Variants in PPP1R8 observed in about 807,000 individuals in gnomAD.
PPP1R8 encodes protein phosphatase 1 regulatory subunit 8.
Under a neutral mutation model 31.3 loss-of-function variants are expected in PPP1R8, and 4 were observed. The ratio of observed to expected loss-of-function variants is 0.13; its 90% CI spans 0.06 to 0.29. The LOEUF (loss-of-function observed/expected upper bound fraction) is 0.29, where lower values mean the gene tolerates loss of function less well. Ranked by LOEUF, PPP1R8 falls within the 10% of genes least tolerant of loss-of-function variation. The pLI is 1.00. For missense variants in PPP1R8, 254 were observed against 440.1 expected, an observed-to-expected ratio of 0.58 and a Z score of 3.78; for synonymous variants, 170 against 169.7, an observed-to-expected ratio of 1.00 and a Z score of -0.01.
intron 2 of PPP1R8, among the ~76,000 whole-genome samples, chr1:27,838,240 C>T (rs575516602): frequency 1.1e-4 from 17 of 149,412 alleles, no homozygotes; most frequent in Middle Eastern, 6.9e-3. Flanking sequence ...ATTAGCTGAA[C>T]GTGGTGGTGC....
chr1:27,845,400 A>G (rs998718661), intron 5 of PPP1R8, among the ~76,000 whole-genome samples: 1 of 151,204 alleles, frequency 6.6e-6, no homozygotes, highest in African/African-American at 2.4e-5. Flanking sequence ...AAAAAAAAAA[A>G]AGAAAGAAAG....
In PPP1R8 at chr1:27,850,634, A is replaced by C. The variant is rs748299736; in HGVS notation, c.*188A>C. ...AAATAGCCCATAAAGACCTGTCTTC[A>C]CAACACTTGCATTGTAGAGAAAGGC... On this transcript the variant is annotated 3_prime_UTR_variant, in exon 7 of 7. Transcript: ENST00000311772. The C allele has an allele frequency of 1.7e-6, 1 of 584,188 alleles. No individual in the cohort carries two copies. The allele number at this position is 584,188 out of a possible 1,614,324, so 36.2% of individuals were successfully genotyped here.
chr1:27,847,521 A>G (rs1190025440), intron 6 of PPP1R8, among the ~76,000 whole-genome samples: 25 of 151,330 alleles, frequency 1.7e-4, no homozygotes, highest in East Asian at 1.5e-3. Flanking sequence ...AAAAAAAAAA[A>G]AGAGATTGAG....
In PPP1R8 at chr1:27,850,474, T is replaced by C. The variant is rs767480315; in HGVS notation, c.*28T>C. On this transcript the variant is annotated 3_prime_UTR_variant, in exon 7 of 7. Transcript: ENST00000311772. Reference sequence around the variant, plus strand: ...TTTTTGGTCATGGAGAAGGGTGGGATTGGGTGGGAATGGGGTGGAAGGGTG... The same window carrying C: ...TTTTTGGTCATGGAGAAGGGTGGGACTGGGTGGGAATGGGGTGGAAGGGTG... 14 of 820,876 alleles carry C rather than the reference T, an allele frequency of 1.7e-5. No homozygotes were observed. In the African/African-American group the frequency reaches 2.3e-4, roughly 13 times the overall value. The allele number at this position is 820,876 out of a possible 1,614,324, so 50.8% of individuals were successfully genotyped here.
intron 2 of PPP1R8, 73 bp downstream of exon 2, chr1:27,832,889 C>A: frequency 7.9e-7 from 1 of 1,267,332 alleles, no homozygotes; most frequent in Non-Finnish European, 1.1e-6. Context: ...TTTTCCACCC[C>A]CTCTCCTGTG....
At chr1:27,838,933 G>A (rs546341243) in intron 3 of PPP1R8, 81 bp downstream of exon 3, 128 of 1,300,890 alleles carry the variant, frequency 9.8e-5, no homozygotes, top group South Asian at 7.3e-5. Flanking sequence ...TGGAAATTAC[G>A]TTTTATGGAA....
At chr1:27,842,668 G>T (rs936144939) in intron 4 of PPP1R8, among the ~76,000 whole-genome samples, 1 of 152,162 alleles carries the variant, frequency 6.6e-6, no homozygotes, top group Admixed American at 6.6e-5. Context: ...ACAGGATGGG[G>T]CATGACAAAA....
At chr1:27,845,663 A>G (rs1002056190) in intron 5 of PPP1R8, among the ~76,000 whole-genome samples, 1 of 151,922 alleles carries the variant, frequency 6.6e-6, no homozygotes, top group African/African-American at 2.4e-5. Flanking sequence ...GGATCCTAAT[A>G]TGTGAAAAAA....
In PPP1R8 at chr1:27,842,659, C is replaced by T. The variant is rs11247693; in HGVS notation, c.493-527C>T. On this transcript the variant is annotated intron_variant, in intron 4 of 6. Transcript: ENST00000311772. ...TTATGAATAGAATTGGGGCCAGACA[C>T]AGGATGGGGCATGACAAAATATTAA... 0.024 allele frequency among the ~76,000 whole-genome samples: 3,660 copies of T among 152,264 alleles called. 195 individuals are homozygous for T. The East Asian group carries it at 0.25, about 10-fold the overall frequency.
chr1:27,848,389 C>T (rs116088988), intron 6 of PPP1R8, among the ~76,000 whole-genome samples: 2,440 of 152,054 alleles, frequency 0.016, 63 homozygotes, highest in African/African-American at 0.055. Context: ...TGGTCGTCAG[C>T]GAGACTCCAT....
intron 3 of PPP1R8, among the ~76,000 whole-genome samples, chr1:27,840,281 C>T (rs1368737221): frequency 6.6e-6 from 1 of 152,182 alleles, no homozygotes; most frequent in African/African-American, 2.4e-5. Context: ...GACTCCACCA[C>T]TCTCCTACTA....
intron 4 of PPP1R8, 123 bp downstream of exon 4, chr1:27,841,357 T>C (rs568242462): frequency 3.0e-6 from 3 of 987,886 alleles, no homozygotes; most frequent in Non-Finnish European, 4.5e-6. Flanking sequence ...AGTCCAGTAA[T>C]GGGCCTTTGG....
At chr1:27,839,458 T>A (rs950314808) in intron 3 of PPP1R8, among the ~76,000 whole-genome samples, 2 of 151,132 alleles carry the variant, frequency 1.3e-5, no homozygotes, top group Non-Finnish European at 3.0e-5. Flanking sequence ...AACCCAGGAG[T>A]GGAAGGATTC....
chr1:27,832,941 T>G (rs1340969056), intron 2 of PPP1R8, 125 bp downstream of exon 2: 1 of 800,546 alleles, frequency 1.2e-6, no homozygotes, highest in Admixed American at 3.0e-5. Flanking sequence ...TCCTGATTTT[T>G]TTTTTCTGTT....
intron 4 of PPP1R8, 123 bp from the exon 5 acceptor site, chr1:27,843,063 C>T: frequency 8.8e-7 from 1 of 1,133,656 alleles, no homozygotes; most frequent in Non-Finnish European, 1.3e-6. Flanking sequence ...GCAGAAGTGT[C>T]TCAACTCCCT....
At chr1:27,841,360 G>A in intron 4 of PPP1R8, 126 bp downstream of exon 4, 1 of 959,576 alleles carries the variant, frequency 1.0e-6, no homozygotes. Flanking sequence ...CCAGTAATGG[G>A]CCTTTGGCAA....
chr1:27,839,856 C>T (rs1300684667), intron 3 of PPP1R8, among the ~76,000 whole-genome samples: 1 of 152,006 alleles, frequency 6.6e-6, no homozygotes, highest in East Asian at 1.9e-4. Flanking sequence ...CCCAGGAGTT[C>T]AAGACCAGCA....
chr1:27,841,444 CAAG>C (rs1223954900), intron 4 of PPP1R8, among the ~76,000 whole-genome samples: 1 of 152,156 alleles, frequency 6.6e-6, no homozygotes, highest in Admixed American at 6.5e-5. Context: ...CCAGGCCTAA[CAAG>C]GAGGCTGAGT....
At position 27,843,278 on chromosome 1, in the gene PPP1R8, G is replaced by A; in HGVS notation, c.585G>A (p.Lys195=). 1 of 1,614,224 alleles carries A rather than the reference G, an allele frequency of 6.2e-7. No individual in the cohort carries two copies. The highest frequency in any genetic ancestry group is 8.5e-7 in the Non-Finnish European group (1 of 1,180,032). The change falls in exon 5 of 7, where the codon AAG becomes AAA. Residue 195 remains lysine (K), a synonymous_variant. Coordinates refer to ENST00000311772, the MANE Select transcript of PPP1R8 (RefSeq NM_014110.5). The part of the protein sequence containing the change: ...GNLDIQRPKR[K]RKNSRVTFSE... Reference sequence around the variant, plus strand: ...TGGACATTCAAAGACCAAAGAGGAAGAGGAAGAACTCACGGGTGACATTCA... The same window carrying A: ...TGGACATTCAAAGACCAAAGAGGAAAAGGAAGAACTCACGGGTGACATTCA...
Sources: allele counts gnomAD v4.1 joint callset (sites outside exome capture counted in the v4.1 genomes callset), GRCh38; gene constraint gnomAD v4.1.1; transcripts MANE v1.5; gene names NCBI Gene and HGNC (gene_info 2026-07-23, HGNC 2026-07-21).